Variants in KCNIP4 observed in about 807,000 individuals in gnomAD.
KCNIP4 encodes Kv channel-interacting protein 4.
In KCNIP4, 12 loss-of-function variants were observed where a neutral mutation model predicts 34.0. The ratio of observed to expected loss-of-function variants is 0.35; its 90% CI spans 0.23 to 0.57. The LOEUF is 0.57. Ranked by LOEUF, KCNIP4 falls within the 20% of genes least tolerant of loss-of-function variation. The pLI is 0.83. For missense variants in KCNIP4, 238 were observed against 311.7 expected, an observed-to-expected ratio of 0.76 and a Z score of 1.78; for synonymous variants, 124 against 102.2, an observed-to-expected ratio of 1.21 and a Z score of -1.29.
intron 1 of KCNIP4, among the ~76,000 whole-genome samples, chr4:21,117,341 G>C (rs1403703345): frequency 7.0e-6 from 1 of 142,678 alleles, no homozygotes; most frequent in Non-Finnish European, 1.5e-5. Flanking sequence ...ATCTTCCTCG[G>C]TGATTCTCCT....
chr4:21,781,650 A>T (rs1007700377), intron 1 of KCNIP4, among the ~76,000 whole-genome samples: 4 of 152,196 alleles, frequency 2.6e-5, no homozygotes, highest in South Asian at 2.1e-4. Flanking sequence ...GACATCACGA[A>T]GAATAAAAAG....
chr4:21,860,470 C>T (rs1725006546), intron 1 of KCNIP4, among the ~76,000 whole-genome samples: 1 of 152,104 alleles, frequency 6.6e-6, no homozygotes, highest in Admixed American at 6.6e-5. Context: ...TAAAATGTTT[C>T]ATATTTGAGA....
intron 1 of KCNIP4, among the ~76,000 whole-genome samples, chr4:21,141,136 A>G (rs964301078): frequency 1.3e-5 from 2 of 152,346 alleles, no homozygotes; most frequent in Non-Finnish European, 1.5e-5. Flanking sequence ...TAATAGCATT[A>G]TCTCTAAGGA....
intron 1 of KCNIP4, among the ~76,000 whole-genome samples, chr4:21,434,775 A>G (rs1001332815): frequency 1.4e-5 from 2 of 146,502 alleles, no homozygotes; most frequent in African/African-American, 2.5e-5. Context: ...TGGGGGGAAA[A>G]AAAAAAAAAA....
At chr4:21,011,985 G>A (rs1056333360) in intron 1 of KCNIP4, among the ~76,000 whole-genome samples, 2 of 152,194 alleles carry the variant, frequency 1.3e-5, no homozygotes, top group Non-Finnish European at 2.9e-5. Context: ...ACGTAGTTTC[G>A]ATGTTTGGAG....
At chr4:21,238,389 G>T (rs1759538045) in intron 1 of KCNIP4, among the ~76,000 whole-genome samples, 1 of 152,156 alleles carries the variant, frequency 6.6e-6, no homozygotes, top group African/African-American at 2.4e-5. Context: ...GGGCAATCAG[G>T]CAGGAGAAGG....
chr4:20,961,980 C>T (rs189304327), intron 1 of KCNIP4, among the ~76,000 whole-genome samples: 66 of 152,308 alleles, frequency 4.3e-4, no homozygotes, highest in African/African-American at 1.6e-3. Context: ...CCCACCCCTT[C>T]AGTTTCCATG....
intron 3 of KCNIP4, among the ~76,000 whole-genome samples, chr4:20,829,546 T>C (rs1287841843): frequency 6.6e-6 from 1 of 152,146 alleles, no homozygotes; most frequent in Non-Finnish European, 1.5e-5. Context: ...TTCTTTGCTT[T>C]CAGGCCACAA....
intron 1 of KCNIP4, among the ~76,000 whole-genome samples, chr4:21,342,950 G>A (rs1451217773): frequency 5.3e-5 from 8 of 152,032 alleles, no homozygotes; most frequent in Non-Finnish European, 1.2e-4. Flanking sequence ...AGTATCATGT[G>A]TTTTGAATAA....
At chr4:21,536,995 A>T (rs960506313) in intron 1 of KCNIP4, among the ~76,000 whole-genome samples, 2 of 152,074 alleles carry the variant, frequency 1.3e-5, no homozygotes, top group African/African-American at 4.8e-5. Flanking sequence ...TACCCCTCAA[A>T]CATTTACCAG....
At chr4:21,306,892 G>A (rs558366105) in intron 1 of KCNIP4, among the ~76,000 whole-genome samples, 1 of 151,534 alleles carries the variant, frequency 6.6e-6, no homozygotes, top group Non-Finnish European at 1.5e-5. Context: ...GAGCGATCTC[G>A]GCTCACCGCA....
intron 1 of KCNIP4, among the ~76,000 whole-genome samples, chr4:21,884,899 A>G (rs1322664804): frequency 6.6e-6 from 1 of 151,990 alleles, no homozygotes; most frequent in Non-Finnish European, 1.5e-5. Context: ...GCTCCAGCTC[A>G]CTACTCAGGA....
At chr4:20,958,547 G>A (rs1733537808) in intron 1 of KCNIP4, among the ~76,000 whole-genome samples, 1 of 152,084 alleles carries the variant, frequency 6.6e-6, no homozygotes, top group Non-Finnish European at 1.5e-5. Context: ...TTTCCCTTTA[G>A]GCAGAGTTCA....
At chr4:20,980,285 T>C (rs1322190570) in intron 1 of KCNIP4, among the ~76,000 whole-genome samples, 1 of 152,208 alleles carries the variant, frequency 6.6e-6, no homozygotes, top group Admixed American at 6.5e-5. Context: ...CTGCACACGT[T>C]AGAATTCAAT....
chr4:21,432,791 G>T (rs1309746931), intron 1 of KCNIP4, among the ~76,000 whole-genome samples: 1 of 152,046 alleles, frequency 6.6e-6, no homozygotes. Context: ...TCAAAGCAAA[G>T]AATTTAAGAG....
At chr4:21,797,337 G>A (rs553868602) in intron 1 of KCNIP4, among the ~76,000 whole-genome samples, 2 of 152,192 alleles carry the variant, frequency 1.3e-5, no homozygotes, top group South Asian at 2.1e-4. Flanking sequence ...AAGAAACAGG[G>A]TCTCACTATG....
chr4:21,430,049 C>A (rs907364913), intron 1 of KCNIP4, among the ~76,000 whole-genome samples: 1 of 152,088 alleles, frequency 6.6e-6, no homozygotes, highest in Non-Finnish European at 1.5e-5. Flanking sequence ...GTACCAATGA[C>A]AAACCTAAGA....
intron 1 of KCNIP4, among the ~76,000 whole-genome samples, chr4:20,983,635 C>A (rs1736306854): frequency 6.6e-6 from 1 of 152,200 alleles, no homozygotes; most frequent in Admixed American, 6.5e-5. Context: ...CCCTTCCCTT[C>A]TAATATCAAA....
intron 1 of KCNIP4, among the ~76,000 whole-genome samples, chr4:21,075,444 G>A (rs1375012010): frequency 2.0e-5 from 3 of 151,920 alleles, no homozygotes; most frequent in South Asian, 2.1e-4. Flanking sequence ...TGTTTTATCC[G>A]AGACTAGGAT....
Sources: gnomAD v4.1 joint callset for allele counts (sites outside exome capture counted in the v4.1 genomes callset) on GRCh38, gnomAD v4.1.1 for gene constraint, MANE v1.5 for transcripts, NCBI Gene and HGNC (gene_info 2026-07-23, HGNC 2026-07-21) for gene names.